The following CD36 variants were observed in gnomAD, a reference collection of about 807,000 sequenced individuals.
The protein encoded by CD36 is CD36 molecule (CD36 blood group).
CD36 carries 119 observed loss-of-function variants against 55.2 expected under a neutral mutation model. The ratio of observed to expected loss-of-function variants is 2.15; its 90% confidence interval spans 1.86 to 2.51. The LOEUF (loss-of-function observed/expected upper bound fraction) is 2.51, where lower values mean the gene tolerates loss of function less well. Ranked by LOEUF, CD36 falls within the 30% of genes most tolerant of loss-of-function variation. CD36 has a pLI of 0.00. For missense variants in CD36, 819 were observed against 555.5 expected (o/e 1.47, Z -4.77); for synonymous variants, 186 against 193.6 (o/e 0.96, Z 0.33).
At chr7:80,663,281 A>T in intron 6 of CD36, 112 bp downstream of exon 6, 1 of 904,950 alleles carries the variant, frequency 1.1e-6, no homozygotes, top group Non-Finnish European at 1.8e-6. Flanking sequence ...GCTGATCTGG[A>T]GACATATATC....
In CD36 at chr7:80,670,003, T is replaced by A. The variant is rs1259022577; in HGVS notation, c.799T>A (p.Phe267Ile). ...TGAGAAAAGCCAGGTATTGCAGTTCTTTTCTTCTGATATTTGCAGGTAAGA... is the reference window on the plus strand; with the variant it reads ...TGAGAAAAGCCAGGTATTGCAGTTCATTTCTTCTGATATTTGCAGGTAAGA... ...FVEKSQVLQF[F>I]SSDICRSIYA... Residue 267 changes from phenylalanine to isoleucine, a missense_variant, in exon 9 of 15, where the codon TTT becomes ATT. Coordinates refer to ENST00000447544, the MANE Select transcript of CD36 (RefSeq NM_001001548.3). 3 of 1,609,082 alleles carry A rather than the reference T, an allele frequency of 1.9e-6. No homozygotes were observed. Among genetic ancestry groups the A allele is most frequent in the South Asian group, 1.1e-5 (1 of 90,970 alleles).
chr7:80,658,091 G>A (rs780572467), intron 4 of CD36, among the ~76,000 whole-genome samples: 82 of 152,276 alleles, frequency 5.4e-4, no homozygotes, highest in Middle Eastern at 6.8e-3. Flanking sequence ...AGTTTTACCC[G>A]AATCGGGTGT....
intron 1 of CD36, among the ~76,000 whole-genome samples, chr7:80,627,317 C>T (rs112614010): frequency 0.017 from 2,551 of 152,146 alleles, 71 homozygotes; most frequent in African/African-American, 0.058. Flanking sequence ...TATGTCTCAT[C>T]TCACAGACGG....
Position 80,676,899 on chromosome 7 carries a change from A to G in CD36, c.*516A>G, listed in dbSNP as rs1419160181. 2 of 152,056 alleles carry G rather than the reference A, an allele frequency of 1.3e-5. No homozygotes were observed. The highest frequency in any genetic ancestry group is 4.8e-5 in the African/African-American group (2 of 41,394). 9.4% of individuals were successfully genotyped at this position (152,056 alleles called of 1,614,324 possible). A position where few individuals can be genotyped will look rare whatever the true frequency, so the allele number is the denominator to read the frequency against. ...ATGTAAATGATAAAGGAATTATTGT[A>G]TGAAATATTACAAAGCGTAGACTAT... On this transcript the variant is annotated 3_prime_UTR_variant, in exon 15 of 15. Coordinates refer to ENST00000447544, the MANE Select transcript of CD36 (RefSeq NM_001001548.3).
chr7:80,610,889 T>C (rs1792843088), intron 1 of CD36, among the ~76,000 whole-genome samples: 1 of 150,976 alleles, frequency 6.6e-6, no homozygotes. Context: ...TTTTATTTTT[T>C]AGAGACAGGG....
At chr7:80,604,389 T>TAG (rs1792424626) in intron 1 of CD36, among the ~76,000 whole-genome samples, 2 of 105,404 alleles carry the variant, frequency 1.9e-5, no homozygotes, top group East Asian at 3.0e-4. Context: ...TTTTTTTTTT[T>TAG]TAGCAAAGTA....
chr7:80,608,393 C>T (rs1438789381), intron 1 of CD36, among the ~76,000 whole-genome samples: 1 of 152,046 alleles, frequency 6.6e-6, no homozygotes, highest in African/African-American at 2.4e-5. Flanking sequence ...GCTCTGTGAC[C>T]TCTGGCAAGT....
chr7:80,659,377 T>C (rs754465055), intron 4 of CD36, among the ~76,000 whole-genome samples: 1 of 152,274 alleles, frequency 6.6e-6, no homozygotes, highest in Non-Finnish European at 1.5e-5. Context: ...TGGGTTGAGA[T>C]CTTATGTGTG....
intron 3 of CD36, among the ~76,000 whole-genome samples, chr7:80,652,548 G>A (rs1795708701): frequency 6.6e-6 from 1 of 152,092 alleles, no homozygotes; most frequent in Non-Finnish European, 1.5e-5. Flanking sequence ...TTTAACATGG[G>A]GAAATGATTC....
At position 80,662,994 on chromosome 7, in the gene CD36, C is replaced by T. The variant is rs781684471; in HGVS notation, c.434C>T (p.Ala145Val). The T allele has an allele frequency of 6.2e-7, 1 of 1,610,436 alleles. No homozygotes were observed. The highest frequency in any genetic ancestry group is 1.1e-5 in the South Asian group (1 of 90,966). The change falls in exon 6 of 15, where the codon GCA becomes GTA. Residue 145 changes from alanine to valine, a missense_variant. Physicochemically the swap from Ala to Val is moderately conservative, Grantham distance 64. Coordinates refer to ENST00000447544, the MANE Select transcript of CD36 (RefSeq NM_001001548.3). ...FTVLNLAVAA[A>V]SHIYQNQFVQ... is the part of the protein sequence containing the mutation. Reference sequence around the variant, plus strand: ...ACAGTGACTTTGTTTTTGTAGGCTGCATCCCATATCTATCAAAATCAATTT... The same window carrying T: ...ACAGTGACTTTGTTTTTGTAGGCTGTATCCCATATCTATCAAAATCAATTT...
intron 1 of CD36, among the ~76,000 whole-genome samples, chr7:80,605,137 C>T (rs1289002360): frequency 6.6e-6 from 1 of 152,116 alleles, no homozygotes; most frequent in Non-Finnish European, 1.5e-5. Flanking sequence ...AACTGGATAT[C>T]TACTTTAAGA....
At chr7:80,653,682 C>G (rs1039907635) in intron 3 of CD36, among the ~76,000 whole-genome samples, 4 of 152,102 alleles carry the variant, frequency 2.6e-5, no homozygotes, top group Non-Finnish European at 4.4e-5. Context: ...GCAAAATAGT[C>G]TAGACAGTCC....
intron 1 of CD36, among the ~76,000 whole-genome samples, chr7:80,645,030 T>G (rs888804991): frequency 6.6e-6 from 1 of 151,888 alleles, no homozygotes; most frequent in African/African-American, 2.4e-5. Context: ...ATCTTTTTTT[T>G]TTTTTTTGAG....
chr7:80,643,497 G>C (rs1053581276), intron 1 of CD36, among the ~76,000 whole-genome samples: 5 of 152,038 alleles, frequency 3.3e-5, no homozygotes, highest in African/African-American at 9.7e-5. Flanking sequence ...TGTGACACTG[G>C]GGGTTTCCTG....
At chr7:80,670,217 C>A in intron 9 of CD36, 195 bp downstream of exon 9, 1 of 581,430 alleles carries the variant, frequency 1.7e-6, no homozygotes, top group Non-Finnish European at 3.0e-6. Context: ...AAGCAAGAAC[C>A]ATTTTGCCTT....
intron 1 of CD36, among the ~76,000 whole-genome samples, chr7:80,609,582 C>A (rs564375452): frequency 9.2e-5 from 14 of 152,200 alleles, no homozygotes; most frequent in African/African-American, 2.9e-4. Context: ...CGTTTTCTCC[C>A]AATCAGAAGT....
chr7:80,671,290 A>G (rs1467535548), intron 10 of CD36, 126 bp downstream of exon 10: 1 of 650,110 alleles, frequency 1.5e-6, no homozygotes, highest in Non-Finnish European at 2.6e-6. Context: ...TATTCTTTAA[A>G]ATGAGAACTT....
At chr7:80,624,131 T>G (rs1468841068) in intron 1 of CD36, 1 of 152,184 alleles carries the variant, frequency 6.6e-6, no homozygotes, top group East Asian at 1.9e-4. Flanking sequence ...TCTTCCCAAC[T>G]AGCATTCTGA....
chr7:80,617,151 A>G (rs955419500), intron 1 of CD36, among the ~76,000 whole-genome samples: 2 of 152,168 alleles, frequency 1.3e-5, no homozygotes, highest in Non-Finnish European at 2.9e-5. Flanking sequence ...GTCCTATTCT[A>G]ATTTACATGA....
Sources: allele counts gnomAD v4.1 joint callset (sites outside exome capture counted in the v4.1 genomes callset), GRCh38; gene constraint gnomAD v4.1.1; transcripts MANE v1.5; gene names NCBI Gene and HGNC (gene_info 2026-07-23, HGNC 2026-07-21).